Variants in DGKB observed in about 807,000 individuals in gnomAD.
DGKB encodes 90 kDa diacylglycerol kinase.
A neutral mutation model predicts 114.3 loss-of-function variants in DGKB; 67 were observed. That is an observed-to-expected ratio of 0.59 (90% CI 0.48 to 0.72). The LOEUF is 0.72. Among genes scored for constraint, DGKB ranks in the 30% least tolerant of loss-of-function variants. The probability of loss-of-function intolerance (pLI) is 0.00; values close to 1 mark genes in which losing one functional copy is unlikely to be tolerated. For synonymous variants in DGKB, 398 were observed against 323.1 expected (o/e 1.23, Z -2.49); for missense variants, 907 against 975.2 (o/e 0.93, Z 0.93).
chr7:14,437,133 A>C (rs1314747561), intron 21 of DGKB, among the ~76,000 whole-genome samples: 1 of 152,078 alleles, frequency 6.6e-6, no homozygotes, highest in Non-Finnish European at 1.5e-5. Context: ...CCTGGGAGCC[A>C]CGACTTAACG....
chr7:14,697,764 G>GAAAGAAAC (rs1206173105), intron 8 of DGKB, among the ~76,000 whole-genome samples: 3 of 134,890 alleles, frequency 2.2e-5, no homozygotes, highest in East Asian at 4.3e-4. Context: ...AAGAAAGAAA[G>GAAAGAAAC]AAAGAAACAA....
chr7:14,813,223 T>C (rs10281858), intron 2 of DGKB, among the ~76,000 whole-genome samples: 85 of 152,302 alleles, frequency 5.6e-4, no homozygotes, highest in African/African-American at 1.9e-3. Context: ...AAGCTATTTT[T>C]ATTTGCAAGT....
At chr7:14,271,031 C>A (rs1798194054) in intron 23 of DGKB, among the ~76,000 whole-genome samples, 1 of 152,060 alleles carries the variant, frequency 6.6e-6, no homozygotes, top group South Asian at 2.1e-4. Context: ...CAGGTACAAG[C>A]CTAGAAGGAT....
At position 14,263,928 on chromosome 7, in the gene DGKB, G is replaced by C. The variant is rs188297659; in HGVS notation, c.2122+74587C>G. On this transcript the variant is annotated intron_variant, in intron 23 of 25. Transcript: ENST00000402815. ...TTATTTATTCTTAATGTATAGCAAG[G>C]CTTCTGTATGAGCAGAGTCCTGGCA... is the stretch of plus-strand genomic sequence containing the variant. Among the ~76,000 whole-genome samples the C allele has an allele frequency of 4.6e-5, 7 of 152,282 alleles. No individual in the cohort carries two copies. The East Asian group carries it at 1.4e-3, about 29-fold the overall frequency.
At chr7:14,289,701 A>G (rs1801431518) in intron 23 of DGKB, among the ~76,000 whole-genome samples, 1 of 150,650 alleles carries the variant, frequency 6.6e-6, no homozygotes, top group African/African-American at 2.4e-5. Context: ...ACTTATCACT[A>G]TTGTTTTAAA....
intron 21 of DGKB, among the ~76,000 whole-genome samples, chr7:14,346,414 A>G (rs1812483703): frequency 6.6e-6 from 1 of 151,922 alleles, no homozygotes; most frequent in South Asian, 2.1e-4. Flanking sequence ...GCAATGTTAT[A>G]TTATCTATCT....
At chr7:14,829,299 C>T (rs1054926054) in intron 2 of DGKB, among the ~76,000 whole-genome samples, 4 of 152,118 alleles carry the variant, frequency 2.6e-5, no homozygotes, top group Non-Finnish European at 5.9e-5. Context: ...TCATGCTCCC[C>T]TTAAATGCCT....
intron 13 of DGKB, among the ~76,000 whole-genome samples, chr7:14,656,751 T>TAC (rs10623353): frequency 0.029 from 3,636 of 127,386 alleles, 64 homozygotes; most frequent in South Asian, 0.042. Context: ...ATATAGGATA[T>TAC]ATACACACAC....
intron 23 of DGKB, among the ~76,000 whole-genome samples, chr7:14,271,385 C>G (rs1290763522): frequency 1.3e-5 from 2 of 152,032 alleles, no homozygotes; most frequent in Non-Finnish European, 2.9e-5. Flanking sequence ...TCTTAAAGGT[C>G]CCTGTGGCCC....
intron 20 of DGKB, among the ~76,000 whole-genome samples, chr7:14,517,772 C>G (rs1229164031): frequency 6.6e-6 from 1 of 152,006 alleles, no homozygotes; most frequent in Non-Finnish European, 1.5e-5. Flanking sequence ...CCATCCCATA[C>G]CAGTCAGAAT....
intron 5 of DGKB, among the ~76,000 whole-genome samples, chr7:14,727,761 C>T (rs981498583): frequency 6.6e-6 from 1 of 152,048 alleles, no homozygotes; most frequent in Non-Finnish European, 1.5e-5. Context: ...ACTGAAATAA[C>T]TGATCAGTTA....
intron 1 of DGKB, among the ~76,000 whole-genome samples, chr7:14,973,248 T>C (rs1787581955): frequency 6.6e-6 from 1 of 151,934 alleles, no homozygotes. Flanking sequence ...CTCTATTTAA[T>C]TTTTATTTAA....
intron 21 of DGKB, among the ~76,000 whole-genome samples, chr7:14,360,003 ACACATG>A (rs2128627619): frequency 6.6e-6 from 1 of 152,260 alleles, no homozygotes; most frequent in Non-Finnish European, 1.5e-5. Context: ...TACGATAAAG[ACACATG>A]CACAGGTATG....
chr7:14,487,778 T>A (rs1277818389), intron 20 of DGKB, among the ~76,000 whole-genome samples: 1 of 151,508 alleles, frequency 6.6e-6, no homozygotes, highest in Admixed American at 6.6e-5. Flanking sequence ...AACTTTTTTT[T>A]TTTTTTCTTT....
intron 23 of DGKB, among the ~76,000 whole-genome samples, chr7:14,256,331 A>G (rs1201280265): frequency 6.6e-6 from 1 of 151,934 alleles, no homozygotes; most frequent in Non-Finnish European, 1.5e-5. Flanking sequence ...TATTATAGTC[A>G]TATTGATTTC....
At chr7:14,911,140 A>G (rs576370858) in intron 1 of DGKB, among the ~76,000 whole-genome samples, 1 of 152,152 alleles carries the variant, frequency 6.6e-6, no homozygotes, top group African/African-American at 2.4e-5. Context: ...ATAGTTATCA[A>G]TTTTTTGTAG....
intron 17 of DGKB, among the ~76,000 whole-genome samples, chr7:14,605,341 C>CAT (rs905029828): frequency 3.4e-5 from 5 of 146,916 alleles, no homozygotes; most frequent in Non-Finnish European, 6.0e-5. Flanking sequence ...ACCTATATTT[C>CAT]ATATATATAT....
At chr7:14,586,087 A>G (rs1292416125) in intron 17 of DGKB, among the ~76,000 whole-genome samples, 1 of 152,164 alleles carries the variant, frequency 6.6e-6, no homozygotes, top group African/African-American at 2.4e-5. Flanking sequence ...AAAGCTAGAA[A>G]TTATTAAGCT....
intron 1 of DGKB, among the ~76,000 whole-genome samples, chr7:14,967,513 G>A (rs1465490728): frequency 5.9e-5 from 9 of 151,486 alleles, no homozygotes; most frequent in Non-Finnish European, 1.3e-4. Flanking sequence ...TAGAGACGAG[G>A]TTTCACCATG....
Sources: gnomAD v4.1 joint callset for allele counts (sites outside exome capture counted in the v4.1 genomes callset) on GRCh38, gnomAD v4.1.1 for gene constraint, MANE v1.5 for transcripts, NCBI Gene and HGNC (gene_info 2026-07-23, HGNC 2026-07-21) for gene names.